Variants in IMMP2L observed in about 807,000 individuals in gnomAD.
IMMP2L encodes mitochondrial inner membrane protease subunit 2.
In IMMP2L, 18 loss-of-function variants were observed where a neutral mutation model predicts 19.3. That is an observed-to-expected ratio of 0.93 (90% CI 0.64 to 1.38). The LOEUF is 1.38. IMMP2L is among the 40% of genes most tolerant of loss of function. The pLI is 0.00. For synonymous variants in IMMP2L, 76 were observed against 73.0 expected, an observed-to-expected ratio of 1.04 and a Z score of -0.21; for missense variants, 233 against 218.2, an observed-to-expected ratio of 1.07 and a Z score of -0.43.
At chr7:111,201,483 A>AG (rs200042318) in intron 3 of IMMP2L, among the ~76,000 whole-genome samples, 3,072 of 152,124 alleles carry the variant, frequency 0.02, 52 homozygotes, top group Admixed American at 0.04. Flanking sequence ...TGGGAGGCTG[A>AG]GGGGGGCAGA....
chr7:110,691,317 C>G (rs1793491737), intron 5 of IMMP2L, among the ~76,000 whole-genome samples: 1 of 152,020 alleles, frequency 6.6e-6, no homozygotes, highest in South Asian at 2.1e-4. Context: ...CAAAAATAAA[C>G]TCAAGATGGA....
intron 3 of IMMP2L, among the ~76,000 whole-genome samples, chr7:111,387,024 T>C (rs1364348074): frequency 6.6e-6 from 1 of 152,206 alleles, no homozygotes; most frequent in Non-Finnish European, 1.5e-5. Context: ...ATAGCACTTA[T>C]TCAAAAATAG....
intron 3 of IMMP2L, among the ~76,000 whole-genome samples, chr7:111,416,739 A>C (rs971667342): frequency 5.3e-5 from 8 of 151,708 alleles, no homozygotes; most frequent in African/African-American, 1.9e-4. Flanking sequence ...TGCCAGCATA[A>C]TATTTGTCCA....
intron 3 of IMMP2L, among the ~76,000 whole-genome samples, chr7:111,309,325 A>C (rs77623278): frequency 0.011 from 1,623 of 152,230 alleles, 30 homozygotes; most frequent in African/African-American, 0.036. Flanking sequence ...ATTTTTTGGA[A>C]ATAAACAAAA....
chr7:110,938,906 AG>A (rs1448040306), intron 4 of IMMP2L, among the ~76,000 whole-genome samples: 4 of 152,160 alleles, frequency 2.6e-5, no homozygotes, highest in African/African-American at 9.7e-5. Context: ...TCTATCATGA[AG>A]TTTGAATATA....
chr7:110,807,189 C>T (rs988364358), intron 5 of IMMP2L, among the ~76,000 whole-genome samples: 1 of 151,948 alleles, frequency 6.6e-6, no homozygotes, highest in Admixed American at 6.6e-5. Flanking sequence ...TCTGGTTTCT[C>T]CTCTATGCGA....
At chr7:110,942,820 T>G (rs1235470945) in intron 4 of IMMP2L, among the ~76,000 whole-genome samples, 1 of 151,968 alleles carries the variant, frequency 6.6e-6, no homozygotes, top group Admixed American at 6.6e-5. Context: ...CTTAATGATT[T>G]TTGTAAGACT....
chr7:111,069,317 A>C (rs1460063300), intron 3 of IMMP2L, among the ~76,000 whole-genome samples: 2 of 152,160 alleles, frequency 1.3e-5, no homozygotes, highest in South Asian at 4.2e-4. Flanking sequence ...TTTATCTGAC[A>C]TATCTGGGCT....
chr7:111,431,492 A>T (rs1836629251), intron 3 of IMMP2L, among the ~76,000 whole-genome samples: 1 of 151,872 alleles, frequency 6.6e-6, no homozygotes, highest in Non-Finnish European at 1.5e-5. Flanking sequence ...GCAGCCAAAA[A>T]ATATGCATGT....
At chr7:111,442,894 C>T (rs1261241467) in intron 3 of IMMP2L, among the ~76,000 whole-genome samples, 29 of 151,792 alleles carry the variant, frequency 1.9e-4, no homozygotes, top group Admixed American at 1.9e-3. Context: ...CTGGTTTGGA[C>T]CTAGTTACAA....
At chr7:110,777,542 C>G (rs1014600229) in intron 5 of IMMP2L, among the ~76,000 whole-genome samples, 9 of 151,886 alleles carry the variant, frequency 5.9e-5, no homozygotes, top group Admixed American at 2.6e-4. Context: ...ATATTCTATA[C>G]CAAAGATAAT....
intron 4 of IMMP2L, among the ~76,000 whole-genome samples, chr7:110,935,210 A>C (rs1815969915): frequency 6.6e-6 from 1 of 152,104 alleles, no homozygotes; most frequent in Admixed American, 6.6e-5. Context: ...AAAATCTCTC[A>C]TCATTTGCTT....
chr7:110,888,242 G>A (rs1449258035), intron 4 of IMMP2L, among the ~76,000 whole-genome samples: 1 of 152,140 alleles, frequency 6.6e-6, no homozygotes, highest in Admixed American at 6.5e-5. Context: ...TGTAATATAA[G>A]TGTTCTTCAA....
At chr7:111,319,739 A>G (rs1445015926) in intron 3 of IMMP2L, among the ~76,000 whole-genome samples, 1 of 152,024 alleles carries the variant, frequency 6.6e-6, no homozygotes, top group Non-Finnish European at 1.5e-5. Context: ...TTAGCATAAC[A>G]TATAGTATGA....
At chr7:111,378,621 ATC>A (rs1230308318) in intron 3 of IMMP2L, among the ~76,000 whole-genome samples, 1 of 151,970 alleles carries the variant, frequency 6.6e-6, no homozygotes, top group Non-Finnish European at 1.5e-5. Context: ...CTTAATCAAT[ATC>A]TGTTATATCA....
At chr7:110,689,422 T>A (rs1793344936) in intron 5 of IMMP2L, among the ~76,000 whole-genome samples, 1 of 152,188 alleles carries the variant, frequency 6.6e-6, no homozygotes, top group Non-Finnish European at 1.5e-5. Flanking sequence ...TCTTTATCTC[T>A]CTGTACCTAT....
chr7:111,504,743 T>C (rs950552163), intron 2 of IMMP2L, among the ~76,000 whole-genome samples: 2 of 152,204 alleles, frequency 1.3e-5, no homozygotes, highest in African/African-American at 4.8e-5. Context: ...ATTTAATAAA[T>C]GGTGCTGGGA....
chr7:111,298,225 T>A (rs1475642453), intron 3 of IMMP2L, among the ~76,000 whole-genome samples: 1 of 152,096 alleles, frequency 6.6e-6, no homozygotes, highest in East Asian at 1.9e-4. Context: ...CTTATTATAC[T>A]GGTCAAGGAG....
At chr7:111,442,615 G>C (rs1837857346) in intron 3 of IMMP2L, among the ~76,000 whole-genome samples, 1 of 151,646 alleles carries the variant, frequency 6.6e-6, no homozygotes, top group Admixed American at 6.6e-5. Context: ...AGGCCGAAGT[G>C]TCAACCGCAA....
Sources: gnomAD v4.1 joint callset for allele counts (sites outside exome capture counted in the v4.1 genomes callset) on GRCh38, gnomAD v4.1.1 for gene constraint, MANE v1.5 for transcripts, NCBI Gene and HGNC (gene_info 2026-07-23, HGNC 2026-07-21) for gene names.